DRC8: variants seen among roughly 807,000 people sequenced by gnomAD.
DRC8 encodes dynein regulatory complex subunit 8.
the DRC8 span, among the ~76,000 whole-genome samples, chr1:245,025,648 T>TG: frequency 6.6e-6 from 1 of 152,186 alleles, no homozygotes; most frequent in African/African-American, 2.4e-5. Context: ...CAGTGCGACC[T>TG]TATTTTTAGT....
chr1:245,108,880 C>T, the DRC8 span, among the ~76,000 whole-genome samples: 1 of 152,182 alleles, frequency 6.6e-6, no homozygotes, highest in Non-Finnish European at 1.5e-5. Flanking sequence ...TCCATTATTC[C>T]TCTGCTTTTA....
the DRC8 span, among the ~76,000 whole-genome samples, chr1:244,980,306 C>G: frequency 6.6e-6 from 1 of 151,566 alleles, no homozygotes; most frequent in Non-Finnish European, 1.5e-5. Context: ...TGCAGTGAGC[C>G]AGGATTGCAC....
the DRC8 span, among the ~76,000 whole-genome samples, chr1:245,114,945 C>G: frequency 1.3e-5 from 2 of 152,078 alleles, no homozygotes; most frequent in African/African-American, 4.8e-5. Context: ...AGGATGGTCT[C>G]GATCTCGTGA....
At chr1:245,083,739 TTTG>T in the DRC8 span, 1 of 1,561,994 alleles carries the variant, frequency 6.4e-7, no homozygotes, top group African/African-American at 1.4e-5. Context: ...GAATTAATAA[TTTG>T]TTAACAGTTA....
chr1:245,003,989 G>C, the DRC8 span, among the ~76,000 whole-genome samples: 1 of 110,246 alleles, frequency 9.1e-6, no homozygotes, highest in Non-Finnish European at 1.8e-5. Context: ...TGAGTAGCTG[G>C]GACAATAGGC....
At chr1:245,025,352 T>C in the DRC8 span, among the ~76,000 whole-genome samples, 2 of 152,256 alleles carry the variant, frequency 1.3e-5, no homozygotes, top group Non-Finnish European at 2.9e-5. Context: ...GCTGGCTCTA[T>C]CATGCATTTT....
At chr1:244,991,547 T>C in the DRC8 span, among the ~76,000 whole-genome samples, 1 of 152,218 alleles carries the variant, frequency 6.6e-6, no homozygotes, top group South Asian at 2.1e-4. Context: ...TCTGGATTAT[T>C]CTGATTCCAT....
At chr1:245,101,171 C>T in the DRC8 span, among the ~76,000 whole-genome samples, 1 of 152,218 alleles carries the variant, frequency 6.6e-6, no homozygotes, top group Non-Finnish European at 1.5e-5. Context: ...AGGCATGAGC[C>T]ACGGCGCCTG....
At chr1:245,039,149 C>T in the DRC8 span, among the ~76,000 whole-genome samples, 1 of 146,788 alleles carries the variant, frequency 6.8e-6, no homozygotes, top group East Asian at 2.0e-4. Context: ...AGTGTCCAAA[C>T]GAATGAATGG....
the DRC8 span, among the ~76,000 whole-genome samples, chr1:245,077,956 A>G: frequency 6.6e-6 from 1 of 151,900 alleles, no homozygotes; most frequent in Non-Finnish European, 1.5e-5. Flanking sequence ...CAAACCATAC[A>G]TTTGACAAGG....
the DRC8 span, chr1:245,123,336 C>G: frequency 6.6e-6 from 1 of 152,258 alleles, no homozygotes; most frequent in South Asian, 2.1e-4. The surrounding 1 kb of genome is among the most constrained non-coding windows in gnomAD (Gnocchi z 5.0). Flanking sequence ...CTGACCACAC[C>G]CGTGCTGGCC....
At chr1:244,987,318 C>T in the DRC8 span, among the ~76,000 whole-genome samples, 4 of 151,878 alleles carry the variant, frequency 2.6e-5, no homozygotes, top group East Asian at 1.9e-4. Flanking sequence ...CTCATTCCTC[C>T]GCCTTCCGAG....
At chr1:245,095,374 T>C in the DRC8 span, among the ~76,000 whole-genome samples, 1 of 152,298 alleles carries the variant, frequency 6.6e-6, no homozygotes, top group Non-Finnish European at 1.5e-5. Flanking sequence ...AAATAAATAA[T>C]AAACACGACA....
chr1:245,001,408 C>G, the DRC8 span, among the ~76,000 whole-genome samples: 3 of 152,112 alleles, frequency 2.0e-5, no homozygotes, highest in Non-Finnish European at 4.4e-5. Flanking sequence ...CCCCTGAGGA[C>G]CTTTGTAAAA....
At chr1:245,031,420 C>T in the DRC8 span, among the ~76,000 whole-genome samples, 1 of 151,734 alleles carries the variant, frequency 6.6e-6, no homozygotes, top group African/African-American at 2.4e-5. Flanking sequence ...CTTCTAGGCC[C>T]GGTCCATGGA....
At chr1:245,027,130 A>C in the DRC8 span, among the ~76,000 whole-genome samples, 1 of 152,152 alleles carries the variant, frequency 6.6e-6, no homozygotes. Context: ...TTACCATCTC[A>C]CTTTGTAGTT....
the DRC8 span, among the ~76,000 whole-genome samples, chr1:245,039,370 G>A: frequency 3.5e-5 from 5 of 142,376 alleles, no homozygotes; most frequent in East Asian, 1.0e-3. Flanking sequence ...AGCTGCTCAG[G>A]AGGTTGAGGT....
the DRC8 span, among the ~76,000 whole-genome samples, chr1:245,024,602 C>T: frequency 1.4e-5 from 2 of 146,622 alleles, no homozygotes; most frequent in Admixed American, 7.0e-5. Flanking sequence ...GGCTGGAGTG[C>T]AGTGGCACGA....
At chr1:245,074,402 G>C in the DRC8 span, among the ~76,000 whole-genome samples, 3 of 152,172 alleles carry the variant, frequency 2.0e-5, no homozygotes, top group Admixed American at 6.5e-5. Context: ...CCCTTAAGTA[G>C]AGAAACTGGA....
Sources: allele counts gnomAD v4.1 joint callset (sites outside exome capture counted in the v4.1 genomes callset), GRCh38; gene constraint gnomAD v4.1.1; non-coding constraint Gnocchi (gnomAD v3.1); transcripts MANE v1.5; gene names NCBI Gene and HGNC (gene_info 2026-07-23, HGNC 2026-07-21).